Variants in ABCC4 observed in about 807,000 individuals in gnomAD.
ABCC4 encodes ATP-binding cassette sub-family C member 4.
In ABCC4, 102 loss-of-function variants were observed where a neutral mutation model predicts 168.5. The observed-to-expected ratio is 0.61, with a 90% CI of 0.52 to 0.71. The LOEUF is 0.71. ABCC4 is among the 30% of genes least tolerant of loss of function. ABCC4 has a pLI of 0.00. For synonymous variants in ABCC4, 617 were observed against 590.7 expected (o/e 1.04, Z -0.65); for missense variants, 1,402 against 1,605.8 (o/e 0.87, Z 2.17).
At position 95,299,563 on chromosome 13, in the gene ABCC4, C is replaced by T. The variant is rs377162306; in HGVS notation, c.74+1678G>A. 9.4e-4 allele frequency among the ~76,000 whole-genome samples: 142 copies of T among 151,744 alleles called. 1 individual carries two copies. Among genetic ancestry groups the T allele is most frequent in the African/African-American group, 3.4e-3 (139 of 41,388 alleles). On this transcript the variant is annotated intron_variant, in intron 1 of 30. Transcript: ENST00000645237. ...TCTTAAAACATCAGATTTTTTTTTG[C>T]GATTTTTTTTTAGCTCATCAGCTAT...
chr13:95,064,498 C>CACAG (rs2033446609), intron 25 of ABCC4, among the ~76,000 whole-genome samples: 1 of 99,162 alleles, frequency 1.0e-5, no homozygotes, highest in African/African-American at 3.4e-5. Context: ...CACACACACA[C>CACAG]ACGTGTATGT....
intron 4 of ABCC4, 42 bp from the exon 5 acceptor site, chr13:95,210,823 G>T: frequency 1.4e-6 from 2 of 1,481,456 alleles, no homozygotes; most frequent in Non-Finnish European, 1.9e-6. Flanking sequence ...TTCATGCAGT[G>T]ATACTAAGTC....
At chr13:95,163,050 C>T in intron 18 of ABCC4, 72 bp downstream of exon 18, 3 of 1,007,760 alleles carry the variant, frequency 3.0e-6, no homozygotes, top group Non-Finnish European at 4.7e-6. Flanking sequence ...TCCTGGAAGC[C>T]CTAGTTACTC....
intron 1 of ABCC4, among the ~76,000 whole-genome samples, chr13:95,267,670 C>T (rs917814462): frequency 2.7e-4 from 41 of 152,106 alleles, no homozygotes; most frequent in African/African-American, 8.9e-4. Flanking sequence ...CTTCTAAATC[C>T]TTGGAATGCT....
At chr13:95,081,495 A>G (rs1216673525) in intron 21 of ABCC4, among the ~76,000 whole-genome samples, 2 of 152,230 alleles carry the variant, frequency 1.3e-5, no homozygotes, top group Non-Finnish European at 2.9e-5. Flanking sequence ...AAGGTCTCCC[A>G]GCAATTATAC....
chr13:95,292,712 TAGA>T (rs1219821417), intron 1 of ABCC4, among the ~76,000 whole-genome samples: 1 of 152,182 alleles, frequency 6.6e-6, no homozygotes, highest in Non-Finnish European at 1.5e-5. Flanking sequence ...GAGTGTGGGC[TAGA>T]AGATCTCTTC....
chr13:95,260,161 T>C (rs1300886513), intron 1 of ABCC4, among the ~76,000 whole-genome samples: 8 of 152,204 alleles, frequency 5.3e-5, no homozygotes, highest in Admixed American at 5.2e-4. Context: ...GCCATACAGC[T>C]TGCTTTGACA....
chr13:95,234,135 G>T (rs1458567974), intron 4 of ABCC4, among the ~76,000 whole-genome samples: 1 of 152,144 alleles, frequency 6.6e-6, no homozygotes, highest in African/African-American at 2.4e-5. Flanking sequence ...TAATTTCATA[G>T]ATCCAATTTC....
intron 30 of ABCC4, among the ~76,000 whole-genome samples, chr13:95,032,822 G>A (rs1009295684): frequency 6.0e-5 from 9 of 150,602 alleles, no homozygotes; most frequent in Admixed American, 4.0e-4. Flanking sequence ...GTGCCACCAC[G>A]CCCAGCTAAT....
chr13:95,114,912 T>G (rs2035321409), intron 20 of ABCC4, among the ~76,000 whole-genome samples: 9 of 152,206 alleles, frequency 5.9e-5, no homozygotes, highest in Admixed American at 5.9e-4. Flanking sequence ...CCAACTGTAG[T>G]ATTTCTATTT....
At chr13:95,090,419 C>A (rs542716657) in intron 20 of ABCC4, among the ~76,000 whole-genome samples, 1 of 152,262 alleles carries the variant, frequency 6.6e-6, no homozygotes, top group East Asian at 1.9e-4. Flanking sequence ...GCTGAGAGAC[C>A]CAAAGAGATC....
chr13:95,244,398 C>T (rs4771909), intron 3 of ABCC4, among the ~76,000 whole-genome samples: 55,743 of 150,572 alleles, frequency 0.37, 10,760 homozygotes, highest in Non-Finnish European at 0.42. Context: ...GAGTTCAAGA[C>T]CAACCTGGGC....
At chr13:95,213,883 T>C (rs1157150624) in intron 4 of ABCC4, among the ~76,000 whole-genome samples, 1 of 152,058 alleles carries the variant, frequency 6.6e-6, no homozygotes, top group Non-Finnish European at 1.5e-5. Flanking sequence ...ATGTTCAACA[T>C]AGTAAAACAA....
At chr13:95,043,809 T>G (rs754645147) in intron 28 of ABCC4, 22 bp from the exon 29 acceptor site, 1 of 1,570,008 alleles carries the variant, frequency 6.4e-7, no homozygotes, top group African/African-American at 1.4e-5. Context: ...GAAGTTAAGT[T>G]TAATTTCGTA....
chr13:95,070,542 G>A (rs1035555507), intron 25 of ABCC4, among the ~76,000 whole-genome samples: 8 of 152,156 alleles, frequency 5.3e-5, no homozygotes, highest in Non-Finnish European at 1.0e-4. Flanking sequence ...TTAGATACCT[G>A]CAAAACCAGC....
chr13:95,052,089 T>C (rs1355740440), intron 27 of ABCC4, among the ~76,000 whole-genome samples: 1 of 152,164 alleles, frequency 6.6e-6, no homozygotes, highest in Admixed American at 6.5e-5. Context: ...CAAGCAATTC[T>C]CTTGTCTCAG....
intron 20 of ABCC4, among the ~76,000 whole-genome samples, chr13:95,115,681 G>A (rs1274628209): frequency 6.6e-6 from 1 of 152,082 alleles, no homozygotes; most frequent in African/African-American, 2.4e-5. Context: ...TACCAAGCAC[G>A]AAGCTGCTTC....
rs750807873 is a variant in ABCC4 at position 95,178,036 on chromosome 13, G to A, written c.1601C>T (p.Thr534Met). 2.7e-5 allele frequency: 43 copies of A among 1,614,162 alleles called. No homozygotes were observed. The highest frequency in any genetic ancestry group is 3.3e-4 in the Middle Eastern group (2 of 6,062). ...DLTVIGDRGT[T>M]LSGGQKARVN... ...CCGTGCTTTCTGCCCTCCACTCAGCGTGGTTCCCCGATCTCCTATCACAGT... is the reference window on the plus strand; with the variant it reads ...CCGTGCTTTCTGCCCTCCACTCAGCATGGTTCCCCGATCTCCTATCACAGT... The change falls in exon 12 of 31, where the codon ACG becomes ATG. Residue 534 changes from threonine to methionine, a missense_variant. Thr to Met is a moderately conservative substitution (Grantham distance 81). This residue lies in a region of ABCC4 where 1,007 missense variants were observed against 1,127.3 expected (regional missense o/e 0.89). Transcript: ENST00000645237.
chr13:95,256,596 A>G (rs2040398129), intron 1 of ABCC4, among the ~76,000 whole-genome samples: 1 of 152,084 alleles, frequency 6.6e-6, no homozygotes, highest in Non-Finnish European at 1.5e-5. Context: ...TCTCGACAAA[A>G]ACATACAAAA....
Sources: allele counts gnomAD v4.1 joint callset (sites outside exome capture counted in the v4.1 genomes callset), GRCh38; gene constraint gnomAD v4.1.1; regional missense constraint gnomAD v4.1.1; transcripts MANE v1.5; gene names NCBI Gene and HGNC (gene_info 2026-07-23, HGNC 2026-07-21).